Variants in MORC1 observed in about 807,000 individuals in gnomAD.
MORC1 encodes MORC family CW-type zinc finger 1, also known as MORC family CW-type zinc finger protein 1.
Under a neutral mutation model 134.9 loss-of-function variants are expected in MORC1, and 59 were observed. The observed-to-expected ratio is 0.44, with a 90% CI of 0.35 to 0.54. The LOEUF is 0.54. Among genes scored for constraint, MORC1 ranks in the 20% least tolerant of loss-of-function variants. MORC1 has a pLI of 0.00. For synonymous variants in MORC1, 395 were observed against 391.7 expected (o/e 1.01, Z -0.10); for missense variants, 947 against 1,134.5 (o/e 0.83, Z 2.37).
chr3:109,082,040 G>A (rs1305055800), intron 8 of MORC1, among the ~76,000 whole-genome samples: 4 of 152,046 alleles, frequency 2.6e-5, no homozygotes, highest in East Asian at 1.9e-4. Flanking sequence ...TCAAGTGGCC[G>A]TTCAGCAGCA....
rs1031252 is a variant in MORC1, at chr3:109,057,496, C to T, written c.1032-10G>A. Reference sequence around the variant, plus strand: ...TGCTGTTTTTAATTCTCTAGAGTTACATTTAAAAAGTTTAAAAAGTTGTTT... The same window carrying T: ...TGCTGTTTTTAATTCTCTAGAGTTATATTTAAAAAGTTTAAAAAGTTGTTT... On this transcript the variant is annotated splice_polypyrimidine_tract_variant and intron_variant, in intron 12 of 27. Coordinates refer to ENST00000232603, the MANE Select transcript of MORC1 (RefSeq NM_014429.4). 1,511,370 of 1,564,110 alleles carry T rather than the reference C, an allele frequency of 0.97. 733,406 individuals are homozygous for T. Among genetic ancestry groups the T allele is most frequent in the East Asian group, 1 (43,928 of 43,936 alleles).
At chr3:108,986,265 T>C (rs1267355723) in intron 22 of MORC1, among the ~76,000 whole-genome samples, 9 of 152,112 alleles carry the variant, frequency 5.9e-5, no homozygotes, top group African/African-American at 2.2e-4. Flanking sequence ...ATTACAGTAA[T>C]AATAATGAGC....
At chr3:109,097,794 A>G (rs1289557654) in intron 6 of MORC1, among the ~76,000 whole-genome samples, 1 of 152,240 alleles carries the variant, frequency 6.6e-6, no homozygotes, top group African/African-American at 2.4e-5. Context: ...ATGAAAAGGA[A>G]AAATAATAGT....
chr3:109,118,040 G>A lies in MORC1; in HGVS notation c.20C>T (p.Ala7Val), dbSNP rs1951309348. ...CAGACGCAGCTGGGCCCGCTGAAGC[G>A]CAGGGTACCTGTCGTCCATGCCCTC... Reference protein sequence around the residue: MDDRYPALQRAQLRLDF... With the variant: MDDRYPVLQRAQLRLDF... The change falls in exon 1 of 28, where the codon GCG becomes GTG. Residue 7 changes from alanine to valine, a missense_variant. This residue lies in a region of MORC1 where 214 missense variants were observed against 281.3 expected (regional missense o/e 0.76). Transcript: ENST00000232603. 1.2e-6 allele frequency: 2 copies of A among 1,609,622 alleles called. No individual in the cohort carries two copies. The highest frequency in any genetic ancestry group is 1.7e-5 in the Admixed American group (1 of 59,598).
At chr3:109,109,035 T>G (rs1951101455) in intron 3 of MORC1, among the ~76,000 whole-genome samples, 1 of 152,200 alleles carries the variant, frequency 6.6e-6, no homozygotes, top group African/African-American at 2.4e-5. Context: ...TGACACTTAG[T>G]GCGAGTCAAC....
At chr3:109,000,332 A>C (rs1255908802) in intron 21 of MORC1, among the ~76,000 whole-genome samples, 1 of 152,164 alleles carries the variant, frequency 6.6e-6, no homozygotes, top group Non-Finnish European at 1.5e-5. Flanking sequence ...ACTAAAACAG[A>C]AAGGTGCCGT....
chr3:109,056,959 A>C (rs1158543597), intron 13 of MORC1, among the ~76,000 whole-genome samples: 1 of 152,226 alleles, frequency 6.6e-6, no homozygotes, highest in African/African-American at 2.4e-5. Context: ...ATGAACTCAT[A>C]CATGTAGGGT....
chr3:109,082,251 A>C (rs544601930), intron 8 of MORC1, among the ~76,000 whole-genome samples: 1 of 139,558 alleles, frequency 7.2e-6, no homozygotes, highest in South Asian at 2.2e-4. Context: ...AGAAAAATTT[A>C]AAAAAAAAAA....
intron 17 of MORC1, among the ~76,000 whole-genome samples, chr3:109,016,981 C>T (rs1948829688): frequency 6.6e-6 from 1 of 152,226 alleles, no homozygotes; most frequent in Admixed American, 6.5e-5. Context: ...TCTAATCTCT[C>T]CTAACCATGA....
chr3:108,992,375 A>G (rs1948088414), intron 21 of MORC1, among the ~76,000 whole-genome samples: 2 of 152,102 alleles, frequency 1.3e-5, no homozygotes, highest in African/African-American at 4.8e-5. Context: ...TTTCCAAAAC[A>G]TCTTTTTTGT....
At chr3:109,011,961 G>A (rs1438260719) in intron 17 of MORC1, among the ~76,000 whole-genome samples, 1 of 152,184 alleles carries the variant, frequency 6.6e-6, no homozygotes, top group African/African-American at 2.4e-5. Context: ...TAATTTTGAT[G>A]AGGTACAATT....
chr3:109,028,234 T>TCC (rs34592591), intron 16 of MORC1, among the ~76,000 whole-genome samples: 78 of 150,482 alleles, frequency 5.2e-4, no homozygotes, highest in Middle Eastern at 6.8e-3. Flanking sequence ...CACTGCCATT[T>TCC]CCCCCCCCAA....
chr3:108,959,262 T>C, intron 27 of MORC1, 142 bp from the exon 28 acceptor site: 1 of 614,938 alleles, frequency 1.6e-6, no homozygotes, highest in Non-Finnish European at 2.6e-6. Context: ...TTTTAACCTT[T>C]CAAAAGGTTT....
chr3:109,041,029 C>G (rs552658683), intron 14 of MORC1, among the ~76,000 whole-genome samples: 1 of 151,136 alleles, frequency 6.6e-6, no homozygotes, highest in African/African-American at 2.4e-5. Flanking sequence ...AAGAGAAGAG[C>G]CACCAGGTGT....
chr3:108,959,077 T>TC lies in MORC1; in HGVS notation c.2842dup (p.Glu948GlyfsTer5). On this transcript the variant is annotated frameshift_variant, in exon 28 of 28. Transcript: ENST00000232603. LOFTEE classifies it low-confidence loss of function (END_TRUNC). ...AAGATTATCTTCTTTAAGCAAAGCT[T>TC]CTAAATAAGTGTCAGTCTGCTCCAG... 1 of 1,586,694 alleles carries TC rather than the reference T, an allele frequency of 6.3e-7. No homozygotes were observed. The highest frequency in any genetic ancestry group is 2.3e-5 in the East Asian group (1 of 42,926).
intron 6 of MORC1, 147 bp from the exon 7 acceptor site, chr3:109,095,215 A>G (rs1347690833): frequency 1.4e-6 from 1 of 706,092 alleles, no homozygotes; most frequent in Non-Finnish European, 2.3e-6. Flanking sequence ...CTAGTTGTAT[A>G]AGAGACACAT....
intron 27 of MORC1, 36 bp from the exon 28 acceptor site, chr3:108,959,156 A>C: frequency 3.3e-6 from 5 of 1,531,278 alleles, no homozygotes; most frequent in Non-Finnish European, 4.4e-6. Context: ...CCAGGGAAAG[A>C]AGCTGCAGAG....
intron 16 of MORC1, 151 bp from the exon 17 acceptor site, chr3:109,028,040 C>T (rs1407709340): frequency 8.5e-6 from 7 of 821,018 alleles, no homozygotes; most frequent in Admixed American, 6.2e-5. Flanking sequence ...CCGTGGCTTT[C>T]GATAACAAAT....
intron 24 of MORC1, among the ~76,000 whole-genome samples, chr3:108,977,084 A>G (rs1947584196): frequency 6.6e-6 from 1 of 152,208 alleles, no homozygotes; most frequent in African/African-American, 2.4e-5. Flanking sequence ...AGGTCTCTCT[A>G]GGTCTCCTAG....
Sources: gnomAD v4.1 joint callset for allele counts (sites outside exome capture counted in the v4.1 genomes callset) on GRCh38, gnomAD v4.1.1 for gene constraint, gnomAD v4.1.1 regional missense constraint, MANE v1.5 for transcripts, NCBI Gene and HGNC (gene_info 2026-07-23, HGNC 2026-07-21) for gene names.